XKR9: variants seen among roughly 807,000 people sequenced by gnomAD.
XKR9 encodes XK-related protein 9.
In XKR9, 32 loss-of-function variants were observed where a neutral mutation model predicts 32.0. The ratio of observed to expected loss-of-function variants is 1.00; its 90% CI spans 0.76 to 1.34. The LOEUF is 1.34. Among genes scored for constraint, XKR9 ranks in the 40% most tolerant of loss-of-function variants. The pLI, the probability that XKR9 is intolerant of heterozygous loss-of-function variation, is 0.00. For synonymous variants in XKR9, 168 were observed against 143.4 expected (o/e 1.17, Z -1.22); for missense variants, 546 against 429.7 (o/e 1.27, Z -2.39).
At chr8:70,723,162 C>T (rs567823020) in intron 4 of XKR9, among the ~76,000 whole-genome samples, 2 of 152,060 alleles carry the variant, frequency 1.3e-5, no homozygotes, top group Non-Finnish European at 1.5e-5. Context: ...CATTTATGTT[C>T]TTCTCTAAAC....
the XKR9 span, among the ~76,000 whole-genome samples, chr8:71,024,840 C>T: frequency 6.6e-6 from 1 of 152,158 alleles, no homozygotes; most frequent in African/African-American, 2.4e-5. Context: ...CACTTCTCTG[C>T]TGAATTTCAG....
intron 2 of XKR9, among the ~76,000 whole-genome samples, chr8:70,766,147 C>A (rs7013307): frequency 0.014 from 2,172 of 150,868 alleles, 48 homozygotes; most frequent in African/African-American, 0.051. Context: ...TGAAGAAATT[C>A]AGTGGTAGCT....
At chr8:70,819,030 G>T in the XKR9 span, among the ~76,000 whole-genome samples, 2 of 152,178 alleles carry the variant, frequency 1.3e-5, no homozygotes, top group Admixed American at 6.5e-5. Flanking sequence ...GTCAAAGCTG[G>T]TTAAAATCAC....
At chr8:70,968,991 GA>G in the XKR9 span, among the ~76,000 whole-genome samples, 1 of 152,138 alleles carries the variant, frequency 6.6e-6, no homozygotes, top group South Asian at 2.1e-4. Context: ...CATGCTGGGG[GA>G]AACCTGCCTC....
the XKR9 span, among the ~76,000 whole-genome samples, chr8:70,820,711 G>A: frequency 6.6e-6 from 1 of 152,200 alleles, no homozygotes; most frequent in South Asian, 2.1e-4. Context: ...GTGGCAGGAA[G>A]GAGAAGTGCC....
chr8:71,057,278 G>A, the XKR9 span, among the ~76,000 whole-genome samples: 1 of 152,170 alleles, frequency 6.6e-6, no homozygotes, highest in Non-Finnish European at 1.5e-5. Flanking sequence ...CTATGGATGA[G>A]CATGTCATTT....
chr8:70,819,799 G>A, the XKR9 span, among the ~76,000 whole-genome samples: 41 of 152,254 alleles, frequency 2.7e-4, no homozygotes, highest in African/African-American at 8.4e-4. Flanking sequence ...AATCGTTCCT[G>A]TAGGGCCACA....
the XKR9 span, among the ~76,000 whole-genome samples, chr8:70,867,485 T>G: frequency 3.3e-5 from 5 of 152,178 alleles, no homozygotes; most frequent in African/African-American, 1.2e-4. Context: ...TGAAGTCTCC[T>G]CAGTTGCCCA....
rs919466178 is a variant in XKR9 at position 70,712,226 on chromosome 8, C to T, written c.493+5073C>T. ...GAAAACCTAGGTTATTTAAATCAAC[C>T]CTTCCACTGAGAGGCTAAGTTATTC... On this transcript the variant is annotated intron_variant, in intron 4 of 4. Transcript: ENST00000408926. Among the ~76,000 whole-genome samples, 6 of 151,750 alleles carry T rather than the reference C, an allele frequency of 4.0e-5. No homozygotes were observed. The South Asian group carries it at 8.4e-4, about 21-fold the overall frequency.
At chr8:70,679,291 G>C (rs1031722753) in intron 2 of XKR9, among the ~76,000 whole-genome samples, 7 of 152,158 alleles carry the variant, frequency 4.6e-5, no homozygotes, top group African/African-American at 1.7e-4. Context: ...CAAGCAGTTA[G>C]CAAGGTAATA....
downstream of XKR9, among the ~76,000 whole-genome samples, chr8:70,738,964 G>T: frequency 6.6e-6 from 1 of 152,160 alleles, no homozygotes; most frequent in Non-Finnish European, 1.5e-5. Context: ...GGGGTGGAGA[G>T]TTCTGTAGAT....
rs1373034636 is a variant in XKR9, at chr8:70,681,340, C to T, written c.272+10C>T. On this transcript the variant is annotated intron_variant, in intron 3 of 4. Transcript: ENST00000408926. ...GAGGAGTTTTTACAAGGTGAGCATACATGTTTAATCATTACCACTGTTTTT... is the reference window on the plus strand; with the variant it reads ...GAGGAGTTTTTACAAGGTGAGCATATATGTTTAATCATTACCACTGTTTTT... 1 of 1,598,686 alleles carries T rather than the reference C, an allele frequency of 6.3e-7. No individual in the cohort carries two copies. Among genetic ancestry groups the T allele is most frequent in the South Asian group, 1.1e-5 (1 of 88,956 alleles).
chr8:70,763,225 G>T (rs1008924311), intron 2 of XKR9, among the ~76,000 whole-genome samples: 1 of 152,204 alleles, frequency 6.6e-6, no homozygotes, highest in Non-Finnish European at 1.5e-5. Context: ...CAATACATCT[G>T]TGGGTAGAAT....
chr8:70,733,531 G>C (rs1806741924), intron 4 of XKR9, among the ~76,000 whole-genome samples: 1 of 151,892 alleles, frequency 6.6e-6, no homozygotes, highest in African/African-American at 2.4e-5. Context: ...GTCTAATATA[G>C]TGGATAAATC....
At chr8:70,990,733 AAGAGAGAGAGAGAG>A in the XKR9 span, among the ~76,000 whole-genome samples, 40 of 143,192 alleles carry the variant, frequency 2.8e-4, no homozygotes, top group Middle Eastern at 3.3e-3. Context: ...TTGGCAGAAT[AAGAGAGAGAGAGAG>A]AGAGAGAGAG....
At chr8:70,705,857 G>A (rs1805700636) in intron 3 of XKR9, among the ~76,000 whole-genome samples, 1 of 152,120 alleles carries the variant, frequency 6.6e-6, no homozygotes, top group Admixed American at 6.6e-5. Flanking sequence ...AAGAATCCAG[G>A]CCAGAGAGTT....
At chr8:70,940,634 C>A in the XKR9 span, among the ~76,000 whole-genome samples, 5 of 152,100 alleles carry the variant, frequency 3.3e-5, no homozygotes, top group African/African-American at 9.7e-5. Context: ...CTGTTTCTCT[C>A]AGCATCTATT....
chr8:71,043,291 G>T, the XKR9 span, among the ~76,000 whole-genome samples: 1 of 152,174 alleles, frequency 6.6e-6, no homozygotes, highest in African/African-American at 2.4e-5. Context: ...AGAATCCAAG[G>T]TTTATCAGTA....
At chr8:70,862,318 G>A in the XKR9 span, among the ~76,000 whole-genome samples, 3 of 152,014 alleles carry the variant, frequency 2.0e-5, no homozygotes, top group Admixed American at 6.6e-5. Flanking sequence ...CTTATAAGTC[G>A]CTGGTGCCTT....
Sources: allele counts gnomAD v4.1 joint callset (sites outside exome capture counted in the v4.1 genomes callset), GRCh38; gene constraint gnomAD v4.1.1; transcripts MANE v1.5; gene names NCBI Gene and HGNC (gene_info 2026-07-23, HGNC 2026-07-21).